DLGAP4: variants seen among roughly 807,000 people sequenced by gnomAD.
DLGAP4 encodes the protein DLG associated protein 4.
In DLGAP4, 18 loss-of-function variants were observed where a neutral mutation model predicts 86.9. The ratio of observed to expected loss-of-function variants is 0.21; its 90% CI spans 0.14 to 0.31. DLGAP4 has a LOEUF of 0.31. DLGAP4 is among the 10% of genes least tolerant of loss of function. DLGAP4 has a pLI of 1.00. For missense variants in DLGAP4, 1,085 were observed against 1,362.6 expected (o/e 0.80, Z 3.21); for synonymous variants, 548 against 574.3 (o/e 0.95, Z 0.65).
intron 2 of DLGAP4, among the ~76,000 whole-genome samples, chr20:36,388,743 A>C (rs1242739663): frequency 6.6e-6 from 1 of 152,116 alleles, no homozygotes; most frequent in African/African-American, 2.4e-5. Context: ...AATGATTCGG[A>C]GCATAAGGCC....
chr20:36,462,682 C>T, intron 7 of DLGAP4: 1 of 1,513,558 alleles, frequency 6.6e-7, no homozygotes, highest in Non-Finnish European at 8.8e-7. Context: ...GGCGCTGGGG[C>T]AAGGGCTGGC....
intron 7 of DLGAP4, among the ~76,000 whole-genome samples, chr20:36,460,417 C>T (rs1209479309): frequency 2.0e-5 from 3 of 152,246 alleles, no homozygotes; most frequent in African/African-American, 4.8e-5. Context: ...GGCTAACCCT[C>T]AATTCCGTTT....
intron 1 of DLGAP4, among the ~76,000 whole-genome samples, chr20:36,336,970 A>G (rs1169666603): frequency 6.6e-6 from 1 of 152,164 alleles, no homozygotes; most frequent in Non-Finnish European, 1.5e-5. Context: ...CTCCTCCTAC[A>G]GCAAATACAT....
chr20:36,373,681 A>G (rs1466590754), intron 2 of DLGAP4, among the ~76,000 whole-genome samples: 2 of 152,184 alleles, frequency 1.3e-5, no homozygotes, highest in African/African-American at 4.8e-5. Flanking sequence ...TCCTGTAATT[A>G]TCTGAATTGC....
At chr20:36,335,309 G>A (rs531340569) in intron 1 of DLGAP4, among the ~76,000 whole-genome samples, 10 of 152,304 alleles carry the variant, frequency 6.6e-5, no homozygotes, top group Admixed American at 5.2e-4. Context: ...CTGTTGGTAG[G>A]GAGCTGGTGG....
chr20:36,313,905 A>C (rs1288444753), intron 1 of DLGAP4, among the ~76,000 whole-genome samples: 1 of 152,150 alleles, frequency 6.6e-6, no homozygotes, highest in African/African-American at 2.4e-5. Flanking sequence ...CGGAACAGCA[A>C]GAGTCAGGAG....
At chr20:36,430,560 A>G (rs1217335400) in intron 2 of DLGAP4, among the ~76,000 whole-genome samples, 2 of 150,338 alleles carry the variant, frequency 1.3e-5, no homozygotes, top group African/African-American at 4.9e-5. Flanking sequence ...GCCCACAGCT[A>G]TAATCCCAGC....
intron 7 of DLGAP4, among the ~76,000 whole-genome samples, chr20:36,467,011 CT>C (rs1569509549): frequency 3.0e-5 from 4 of 132,546 alleles, no homozygotes; most frequent in African/African-American, 9.1e-5. Flanking sequence ...CTCTCTCTCT[CT>C]CTCTCCTCTC....
intron 2 of DLGAP4, among the ~76,000 whole-genome samples, chr20:36,392,143 G>A (rs1740181219): frequency 1.3e-5 from 2 of 152,324 alleles, no homozygotes; most frequent in South Asian, 4.1e-4. Context: ...TGGGGGGCAG[G>A]AGCTGTTGGA....
intron 8 of DLGAP4, chr20:36,499,228 T>C: frequency 6.2e-7 from 1 of 1,603,808 alleles, no homozygotes; most frequent in Non-Finnish European, 8.5e-7. Context: ...TTTTTCTCTC[T>C]GATGCGTGTG....
intron 2 of DLGAP4, among the ~76,000 whole-genome samples, chr20:36,371,928 G>A (rs565552840): frequency 1.3e-5 from 2 of 152,208 alleles, no homozygotes; most frequent in East Asian, 3.9e-4. Flanking sequence ...CTGAGTTTTA[G>A]GACTTGTGGG....
intron 1 of DLGAP4, among the ~76,000 whole-genome samples, chr20:36,352,884 A>T (rs932263427): frequency 9.2e-5 from 14 of 152,086 alleles, no homozygotes; most frequent in African/African-American, 3.1e-4. Context: ...TGTTGGTCTG[A>T]GTTATAAAGA....
intron 2 of DLGAP4, among the ~76,000 whole-genome samples, chr20:36,389,224 G>T (rs967132624): frequency 4.6e-5 from 7 of 152,176 alleles, no homozygotes; most frequent in Non-Finnish European, 7.4e-5. Context: ...CAATGTGGGG[G>T]TCATCAGACC....
At chr20:36,353,750 G>A (rs960807718) in intron 1 of DLGAP4, among the ~76,000 whole-genome samples, 7 of 152,200 alleles carry the variant, frequency 4.6e-5, no homozygotes, top group Non-Finnish European at 8.8e-5. Flanking sequence ...AAGAGGAGCC[G>A]GCAAAGGCAG....
intron 12 of DLGAP4, 174 bp downstream of exon 12, chr20:36,526,180 T>G: frequency 2.2e-6 from 2 of 897,416 alleles, no homozygotes; most frequent in Non-Finnish European, 3.5e-6. Context: ...GGCATGCCGC[T>G]TGCTCCGTGT....
chr20:36,479,940 GC>G (rs2035111707), intron 7 of DLGAP4, among the ~76,000 whole-genome samples: 2 of 152,100 alleles, frequency 1.3e-5, no homozygotes, highest in African/African-American at 4.8e-5. Flanking sequence ...AGCTCCGTGG[GC>G]CCTTTGCTCA....
At chr20:36,499,221 T>C (rs762228825) in intron 8 of DLGAP4, 90 of 1,593,292 alleles carry the variant, frequency 5.6e-5, no homozygotes, top group South Asian at 4.3e-4. Flanking sequence ...TTTTTTTTTT[T>C]TCTCTCTGAT....
intron 1 of DLGAP4, among the ~76,000 whole-genome samples, chr20:36,316,690 A>G (rs921905946): frequency 1.3e-5 from 2 of 152,170 alleles, no homozygotes; most frequent in Non-Finnish European, 2.9e-5. Flanking sequence ...GTGGAAAGGC[A>G]GCCCAGCTCA....
At chr20:36,402,841 G>A (rs1386028601) in intron 2 of DLGAP4, among the ~76,000 whole-genome samples, 2 of 152,212 alleles carry the variant, frequency 1.3e-5, no homozygotes, top group Non-Finnish European at 2.9e-5. Flanking sequence ...GAGAGGGGAA[G>A]CAACATACTC....
Sources: gnomAD v4.1 joint callset for allele counts (sites outside exome capture counted in the v4.1 genomes callset) on GRCh38, gnomAD v4.1.1 for gene constraint, MANE v1.5 for transcripts, NCBI Gene and HGNC (gene_info 2026-07-23, HGNC 2026-07-21) for gene names.